WDR43: variants seen among roughly 807,000 people sequenced by gnomAD.
The protein encoded by WDR43 is WD repeat-containing protein 43.
A neutral mutation model predicts 91.4 loss-of-function variants in WDR43; 13 were observed. The ratio of observed to expected loss-of-function variants is 0.14; its 90% CI spans 0.09 to 0.23. WDR43 has a LOEUF of 0.23. WDR43 is among the 10% of genes least tolerant of loss of function. The probability of loss-of-function intolerance (pLI) is 1.00; values close to 1 mark genes in which losing one functional copy is unlikely to be tolerated. For synonymous variants in WDR43, 331 were observed against 287.9 expected (o/e 1.15, Z -1.51); for missense variants, 780 against 809.4 (o/e 0.96, Z 0.44).
intron 5 of WDR43, among the ~76,000 whole-genome samples, chr2:28,916,420 G>A (rs1237809224): frequency 6.6e-6 from 1 of 151,976 alleles, no homozygotes; most frequent in Non-Finnish European, 1.5e-5. Flanking sequence ...TCAACACTTG[G>A]TATAGCATTT....
chr2:28,924,299 G>A (rs914180210), intron 7 of WDR43, among the ~76,000 whole-genome samples: 1 of 152,162 alleles, frequency 6.6e-6, no homozygotes, highest in Non-Finnish European at 1.5e-5. Flanking sequence ...AAATCTTTAC[G>A]AAATGTGGAT....
At chr2:28,912,172 C>T (rs1670814937) in intron 3 of WDR43, among the ~76,000 whole-genome samples, 1 of 152,132 alleles carries the variant, frequency 6.6e-6, no homozygotes, top group Admixed American at 6.5e-5. Context: ...AATTAAAGGC[C>T]AGCCTTCCAG....
chr2:28,921,668 A>G (rs1006646537), intron 6 of WDR43, among the ~76,000 whole-genome samples: 5 of 152,238 alleles, frequency 3.3e-5, no homozygotes, highest in African/African-American at 7.2e-5. Flanking sequence ...CAGAACGGGG[A>G]ACTAGAAAAT....
chr2:28,916,459 T>C (rs1572589291), intron 5 of WDR43, among the ~76,000 whole-genome samples: 1 of 152,292 alleles, frequency 6.6e-6, no homozygotes, highest in South Asian at 2.1e-4. Context: ...AGGTGGGTAG[T>C]GGTATTTTGT....
intron 4 of WDR43, 147 bp downstream of exon 4, chr2:28,912,857 C>T: frequency 8.9e-7 from 1 of 1,123,252 alleles, no homozygotes; most frequent in Non-Finnish European, 1.2e-6. Context: ...AAGTTAGCCT[C>T]CTAATCTGAT....
At chr2:28,907,450 A>C (rs77976387) in intron 3 of WDR43, among the ~76,000 whole-genome samples, 12 of 133,560 alleles carry the variant, frequency 9.0e-5, no homozygotes, top group African/African-American at 3.3e-4. Context: ...TCTTTACAAA[A>C]AAAAAAAAAA....
At chr2:28,939,717 A>G (rs549271248) in intron 14 of WDR43, among the ~76,000 whole-genome samples, 8 of 152,290 alleles carry the variant, frequency 5.3e-5, no homozygotes, top group East Asian at 3.9e-4. Flanking sequence ...TGCTTTACTA[A>G]TTTTTGTGTC....
chr2:28,945,448 T>G (rs191380918), intron 16 of WDR43, among the ~76,000 whole-genome samples: 25 of 152,338 alleles, frequency 1.6e-4, no homozygotes, highest in South Asian at 4.1e-4. Context: ...TTTTAGTCTT[T>G]AAGAACTCCC....
At chr2:28,906,802 T>C (rs1214789908) in intron 3 of WDR43, among the ~76,000 whole-genome samples, 1 of 152,176 alleles carries the variant, frequency 6.6e-6, no homozygotes, top group Non-Finnish European at 1.5e-5. Context: ...TGTCACAAGG[T>C]AGCATGTGAC....
At position 28,946,705 on chromosome 2, in the gene WDR43, A is replaced by C. The variant is rs1417506278; in HGVS notation, c.1960A>C (p.Arg654=). 1.9e-6 allele frequency: 3 copies of C among 1,580,770 alleles called. No homozygotes were observed. The highest frequency in any genetic ancestry group is 1.8e-5 in the Admixed American group (1 of 54,510). ...AAAAGATGAAGAAAATGGCGAGGAC[A>C]GAGATACAGCAAGTGAAAAAGAATT... ...EGKDEENGED[R]DTASEKELNG... is the part of the protein sequence containing the mutation. Residue 654 remains arginine (R), a synonymous_variant, in exon 18 of 18, where the codon AGA becomes CGA. Transcript: ENST00000407426.
At chr2:28,906,686 C>A in intron 3 of WDR43, 105 bp downstream of exon 3, 1 of 1,355,544 alleles carries the variant, frequency 7.4e-7, no homozygotes, top group East Asian at 2.7e-5. Flanking sequence ...TTACAAAGAA[C>A]TTTTAATCAA....
chr2:28,909,876 GA>G (rs1446756166), intron 3 of WDR43, among the ~76,000 whole-genome samples: 1 of 152,114 alleles, frequency 6.6e-6, no homozygotes, highest in African/African-American at 2.4e-5. Context: ...CTGTTTGGGG[GA>G]AAAAGTATTG....
chr2:28,943,598 T>A (rs1291842530), intron 16 of WDR43, among the ~76,000 whole-genome samples: 4 of 152,168 alleles, frequency 2.6e-5, no homozygotes, highest in African/African-American at 9.7e-5. Context: ...TAATGTGCAA[T>A]AATAGACAGC....
intron 11 of WDR43, among the ~76,000 whole-genome samples, chr2:28,934,019 A>G (rs1671294451): frequency 6.6e-6 from 1 of 152,240 alleles, no homozygotes; most frequent in South Asian, 2.1e-4. Context: ...GTTCATACAA[A>G]GACTTCCTCA....
chr2:28,912,869 T>G (rs1303792208), intron 4 of WDR43, among the ~76,000 whole-genome samples, 159 bp downstream of exon 4: 1 of 152,186 alleles, frequency 6.6e-6, no homozygotes, highest in Non-Finnish European at 1.5e-5. Flanking sequence ...TAATCTGATT[T>G]GTTGATGTTA....
chr2:28,913,270 A>T (rs4666129), intron 4 of WDR43, among the ~76,000 whole-genome samples: 39,089 of 152,006 alleles, frequency 0.26, 6,247 homozygotes, highest in East Asian at 0.77. Flanking sequence ...AGGTTTTTTT[A>T]AAATTTAAAT....
intron 5 of WDR43, among the ~76,000 whole-genome samples, chr2:28,917,570 A>G (rs924190976): frequency 6.6e-6 from 1 of 152,230 alleles, no homozygotes; most frequent in Non-Finnish European, 1.5e-5. Flanking sequence ...TTCAAGACCT[A>G]TTATCAAGCG....
At chr2:28,923,445 C>G (rs996471801) in intron 7 of WDR43, among the ~76,000 whole-genome samples, 2 of 152,226 alleles carry the variant, frequency 1.3e-5, no homozygotes, top group East Asian at 3.9e-4. Flanking sequence ...TCTGGAGAAC[C>G]TGAAATTTTT....
intron 15 of WDR43, among the ~76,000 whole-genome samples, chr2:28,941,968 CAGTA>C (rs199551962): frequency 6.6e-6 from 1 of 152,150 alleles, no homozygotes; most frequent in African/African-American, 2.4e-5. Context: ...ATCAGTTTGA[CAGTA>C]AGAAAGTTTA....
Sources: gnomAD v4.1 joint callset for allele counts (sites outside exome capture counted in the v4.1 genomes callset) on GRCh38, gnomAD v4.1.1 for gene constraint, MANE v1.5 for transcripts, NCBI Gene and HGNC (gene_info 2026-07-23, HGNC 2026-07-21) for gene names.